The following BRSK1 variants were observed in gnomAD, a reference collection of about 807,000 sequenced individuals.
BRSK1 encodes BR serine/threonine kinase 1.
In BRSK1, 17 loss-of-function variants were observed where a neutral mutation model predicts 86.2. That is an observed-to-expected ratio of 0.20 (90% confidence interval 0.14 to 0.30). The LOEUF is 0.30. Among genes scored for constraint, BRSK1 ranks in the 10% least tolerant of loss-of-function variants. BRSK1 has a pLI of 1.00. For missense variants in BRSK1, 719 were observed against 1,071.9 expected (o/e 0.67, Z 4.60); for synonymous variants, 464 against 440.1 (o/e 1.05, Z -0.68).
chr19:55,311,996 G>A lies in BRSK1; in HGVS notation c.2265G>A (p.Leu755=), dbSNP rs779328632. 4 of 1,554,540 alleles carry A rather than the reference G, an allele frequency of 2.6e-6. No homozygotes were observed. In the South Asian group the frequency reaches 4.7e-5, roughly 18 times the overall value. ...QPPPGRPDPE[L]SSSPRRGPPK... Reference sequence around the variant, plus strand: ...CACCCGGCCGCCCAGACCCAGAGCTGAGCAGCTCTCCCCGCCGAGGCCCCC... The same window carrying A: ...CACCCGGCCGCCCAGACCCAGAGCTAAGCAGCTCTCCCCGCCGAGGCCCCC... The change falls in exon 19 of 19, where the codon CTG becomes CTA. Residue 755 remains leucine (L), a synonymous_variant. Coordinates refer to ENST00000309383, the MANE Select transcript of BRSK1 (RefSeq NM_032430.2).
At chr19:55,311,390 G>A (rs1165260485) in intron 18 of BRSK1, among the ~76,000 whole-genome samples, 1 of 152,150 alleles carries the variant, frequency 6.6e-6, no homozygotes, top group African/African-American at 2.4e-5. Context: ...AAGAGGAGGT[G>A]GCCTCAGGAC....
At chr19:55,285,607 G>C (rs555215454) in intron 1 of BRSK1, among the ~76,000 whole-genome samples, 1 of 152,300 alleles carries the variant, frequency 6.6e-6, no homozygotes, top group South Asian at 2.1e-4. Context: ...GTGGGAAACA[G>C]GATGGAGGGT....
intron 4 of BRSK1, 130 bp downstream of exon 4, chr19:55,289,750 C>G (rs2088376582): frequency 8.3e-7 from 1 of 1,200,058 alleles, no homozygotes; most frequent in South Asian, 1.6e-5. Context: ...AGACATAACT[C>G]ATACACCAGA....
chr19:55,295,288 A>G (rs1481004805), intron 7 of BRSK1, among the ~76,000 whole-genome samples: 1 of 151,798 alleles, frequency 6.6e-6, no homozygotes, highest in Non-Finnish European at 1.5e-5. Context: ...ACGCCCAGCT[A>G]ATTTTTGTAT....
rs1008748105 is a variant in BRSK1 at position 55,302,078 on chromosome 19, C to G, written c.826-59C>G. Reference sequence around the variant, plus strand: ...CCAAAACCACCCCAGTCTTTCATTGCGCGCCTACATGTGCCTACGACCTCA... The same window carrying G: ...CCAAAACCACCCCAGTCTTTCATTGGGCGCCTACATGTGCCTACGACCTCA... On this transcript the variant is annotated intron_variant, in intron 8 of 18. Transcript: ENST00000309383. The surrounding 1 kb of genome is among the most constrained non-coding windows in gnomAD (Gnocchi z 6.3). The G allele has an allele frequency of 6.3e-7, 1 of 1,599,880 alleles. No individual in the cohort carries two copies. Among genetic ancestry groups the G allele is most frequent in the East Asian group, 2.2e-5 (1 of 44,800 alleles).
At chr19:55,288,654 C>T (rs1002847010) in intron 3 of BRSK1, among the ~76,000 whole-genome samples, 5 of 151,880 alleles carry the variant, frequency 3.3e-5, no homozygotes, top group Admixed American at 1.3e-4. Context: ...GGCTCGATCT[C>T]GGCTCACCAC....
Position 55,290,877 on chromosome 19 carries a change from G to A in BRSK1, c.458+1257G>A, listed in dbSNP as rs181172994. ...AGGATGGTCTCAATCTCCTGACCTCGTAATCCGTCCGCCTCGGCCTCCCAA... is the reference window on the plus strand; with the variant it reads ...AGGATGGTCTCAATCTCCTGACCTCATAATCCGTCCGCCTCGGCCTCCCAA... On this transcript the variant is annotated intron_variant, in intron 4 of 18. Coordinates refer to ENST00000309383, the MANE Select transcript of BRSK1 (RefSeq NM_032430.2). Among the ~76,000 whole-genome samples, 3 of 151,898 alleles carry A rather than the reference G, an allele frequency of 2.0e-5. No individual in the cohort carries two copies. The South Asian group carries it at 6.2e-4, about 31-fold the overall frequency.
intron 4 of BRSK1, among the ~76,000 whole-genome samples, chr19:55,292,129 A>AG (rs1188726465): frequency 6.6e-6 from 1 of 152,102 alleles, no homozygotes; most frequent in Non-Finnish European, 1.5e-5. Context: ...CCTGGCCTCT[A>AG]GGGGGAGATA....
At chr19:55,289,415 G>A in intron 3 of BRSK1, 65 bp from the exon 4 acceptor site, 1 of 1,539,482 alleles carries the variant, frequency 6.5e-7, no homozygotes, top group Non-Finnish European at 8.8e-7. Flanking sequence ...AGTGGAAGTG[G>A]GAGACCAGGC....
At position 55,304,407 on chromosome 19, in the gene BRSK1, C is replaced by G. The variant is rs2088615960; in HGVS notation, c.1348-144C>G. The G allele has an allele frequency of 9.2e-7, 1 of 1,088,184 alleles. No homozygotes were observed. Among genetic ancestry groups the G allele is most frequent in the Non-Finnish European group, 1.3e-6 (1 of 785,844 alleles). The allele number at this position is 1,088,184 out of a possible 1,614,324, so 67.4% of individuals were successfully genotyped here. On this transcript the variant is annotated intron_variant, in intron 13 of 18. Coordinates refer to ENST00000309383, the MANE Select transcript of BRSK1 (RefSeq NM_032430.2). This position sits in a 1 kb window ranked among gnomAD's most constrained non-coding sequence, Gnocchi z 5.2. ...ATAGAAAGTCTTTGCTATCCTTGCT[C>G]TGGGGCCTGGGAAGGAGGATACTTG...
At chr19:55,290,815 G>A (rs926917580) in intron 4 of BRSK1, among the ~76,000 whole-genome samples, 6 of 151,958 alleles carry the variant, frequency 3.9e-5, no homozygotes, top group African/African-American at 1.4e-4. Context: ...CTAATTTTTT[G>A]TATTTTTAGT....
intron 17 of BRSK1, among the ~76,000 whole-genome samples, 197 bp from the exon 18 acceptor site, chr19:55,308,442 A>G (rs1192740722): frequency 8.8e-6 from 1 of 113,442 alleles, no homozygotes; most frequent in African/African-American, 5.2e-5. Context: ...AAGGTATGTG[A>G]GTTTGACCGT....
At position 55,287,789 on chromosome 19, in the gene BRSK1, T is replaced by C. The variant is rs1434960712; in HGVS notation, c.317+490T>C. ...GGCCGCCTTAGGAGGTCTGAGTCAC[T>C]ATCTCAAAGTCAATCACCCGCCAGG... is the stretch of plus-strand genomic sequence containing the variant. On this transcript the variant is annotated intron_variant, in intron 3 of 18. Transcript: ENST00000309383. This position sits in a 1 kb window ranked among gnomAD's most constrained non-coding sequence, Gnocchi z 5.3. Among the ~76,000 whole-genome samples, 1 of 152,186 alleles carries C rather than the reference T, an allele frequency of 6.6e-6. No individual in the cohort carries two copies. Among genetic ancestry groups the C allele is most frequent in the Non-Finnish European group, 1.5e-5 (1 of 68,032 alleles).
Position 55,305,498 on chromosome 19 carries a change from C to G in BRSK1, c.1802C>G (p.Ser601Cys). Residue 601 changes from serine to cysteine, a missense_variant, in exon 16 of 19, where the codon TCC becomes TGC. This residue lies in a region of BRSK1 where 180 missense variants were observed against 259.4 expected (regional missense o/e 0.69). Transcript: ENST00000309383. Reference sequence around the variant, plus strand: ...CGCTCCTGGTTCGGGAACTTCATCTCCTTGGACAAAGAAGAACAAATATTC... The same window carrying G: ...CGCTCCTGGTTCGGGAACTTCATCTGCTTGGACAAAGAAGAACAAATATTC... ...AKRSWFGNFI[S>C]LDKEEQIFLV... 6.2e-7 allele frequency: 1 copy of G among 1,614,200 alleles called. No homozygotes were observed. The highest frequency in any genetic ancestry group is 8.5e-7 in the Non-Finnish European group (1 of 1,180,022).
At position 55,304,932 on chromosome 19, in the gene BRSK1, T is replaced by C; in HGVS notation, c.1717+12T>C. 1 of 1,604,852 alleles carries C rather than the reference T, an allele frequency of 6.2e-7. No individual in the cohort carries two copies. The highest frequency in any genetic ancestry group is 8.5e-7 in the Non-Finnish European group (1 of 1,179,538). ...GCGCAAGATGCAGGGTATGGGGGCA[T>C]GAACTGCCGAGTCCTAATGTGGGGA... On this transcript the variant is annotated intron_variant, in intron 14 of 18. Transcript: ENST00000309383. This position sits in a 1 kb window ranked among gnomAD's most constrained non-coding sequence, Gnocchi z 5.2.
Position 55,294,445 on chromosome 19 carries a change from G to T in BRSK1, c.678+48G>T. The stretch of plus-strand genomic sequence containing the variant: ...GTCATTTCTAGATCAATCCCACCTG[G>T]TGGGAGCATAGGACAGTACCTTCCA... On this transcript the variant is annotated intron_variant, in intron 7 of 18. Coordinates refer to ENST00000309383, the MANE Select transcript of BRSK1 (RefSeq NM_032430.2). This position sits in a 1 kb window ranked among gnomAD's most constrained non-coding sequence, Gnocchi z 4.9. 1 of 1,599,888 alleles carries T rather than the reference G, an allele frequency of 6.3e-7. No homozygotes were observed. The highest frequency in any genetic ancestry group is 1.3e-5 in the African/African-American group (1 of 74,664).
chr19:55,301,509 C>G lies in BRSK1; in HGVS notation c.679-3C>G. The G allele has an allele frequency of 6.2e-7, 1 of 1,613,418 alleles. No individual in the cohort carries two copies. Among genetic ancestry groups the G allele is most frequent in the Non-Finnish European group, 8.5e-7 (1 of 1,179,812 alleles). On this transcript the variant is annotated splice_region_variant and splice_polypyrimidine_tract_variant and intron_variant, in intron 7 of 18. Coordinates refer to ENST00000309383, the MANE Select transcript of BRSK1 (RefSeq NM_032430.2). Reference sequence around the variant, plus strand: ...TGAGGGGTCCTGGTTATCTCTTGCCCAGGGGGCTCTGCCCTTTGATGACGA... The same window carrying G: ...TGAGGGGTCCTGGTTATCTCTTGCCGAGGGGGCTCTGCCCTTTGATGACGA...
At position 55,303,574 on chromosome 19, in the gene BRSK1, T is replaced by TA; in HGVS notation, c.1127-92dup. ...CATTTATCAAATCCCCTCTCCACTCTAGGCCTGTTTCCCCATGTGTGCAGT... is the reference window on the plus strand; with the variant it reads ...CATTTATCAAATCCCCTCTCCACTCTAAGGCCTGTTTCCCCATGTGTGCAGT... On this transcript the variant is annotated intron_variant, in intron 11 of 18. Transcript: ENST00000309383. The surrounding 1 kb of genome is among the most constrained non-coding windows in gnomAD (Gnocchi z 5.1). The TA allele has an allele frequency of 6.6e-7, 1 of 1,520,922 alleles. No individual in the cohort carries two copies. Among genetic ancestry groups the TA allele is most frequent in the Non-Finnish European group, 8.9e-7 (1 of 1,117,926 alleles). The allele number at this position is 1,520,922 out of a possible 1,614,324, so 94.2% of individuals were successfully genotyped here.
In BRSK1 at chr19:55,284,029, A is replaced by ACGAGGTGG. The variant is rs1568976581; in HGVS notation, c.-411_-404dup. On this transcript the variant is annotated 5_prime_UTR_variant, in exon 1 of 19. It removes the in-frame stop codon of an upstream open reading frame in the 5' UTR. Transcript: ENST00000309383. ...GATGTCAGCGTGCCGGAGAGAAAGG[A>ACGAGGTGG]CGAGGTGGCGGGGGGAGGCGGAGAG... The ACGAGGTGG allele has an allele frequency of 8.2e-7, 1 of 1,219,884 alleles. No homozygotes were observed. Among genetic ancestry groups the ACGAGGTGG allele is most frequent in the Non-Finnish European group, 1.0e-6 (1 of 981,880 alleles). 75.6% of individuals were successfully genotyped at this position (1,219,884 alleles called of 1,614,324 possible). A position where few individuals can be genotyped will look rare whatever the true frequency, so the allele number is the denominator to read the frequency against.
Sources: gnomAD v4.1 joint callset for allele counts (sites outside exome capture counted in the v4.1 genomes callset) on GRCh38, gnomAD v4.1.1 for gene constraint, gnomAD v4.1.1 regional missense constraint, Gnocchi (gnomAD v3.1) non-coding constraint, MANE v1.5 for transcripts, NCBI Gene and HGNC (gene_info 2026-07-23, HGNC 2026-07-21) for gene names.